RPL4: variants seen among roughly 807,000 people sequenced by gnomAD.
RPL4 encodes large ribosomal subunit protein uL4.
RPL4 carries 3 observed loss-of-function variants against 47.7 expected under a neutral mutation model. The observed-to-expected ratio is 0.06, with a 90% CI of 0.03 to 0.16. RPL4 has a LOEUF of 0.16. Among genes scored for constraint, RPL4 ranks in the 10% least tolerant of loss-of-function variants. The pLI, the probability that RPL4 is intolerant of heterozygous loss-of-function variation, is 1.00. For synonymous variants in RPL4, 208 were observed against 182.1 expected (o/e 1.14, Z -1.15); for missense variants, 413 against 551.3 (o/e 0.75, Z 2.51).
chr15:66,501,079 G>C lies in RPL4; in HGVS notation c.703C>G (p.Leu235Val), dbSNP rs760828454. The change falls in exon 7 of 10, where the codon CTG (leucine) becomes GTG (valine). Residue 235 changes from leucine (L) to valine (V), a missense_variant. This residue lies in a region of RPL4 where 214 missense variants were observed against 304.2 expected (regional missense o/e 0.70). Transcript: ENST00000307961. ...PGITLLNVSK[L>V]NILKLAPGGH... The stretch of plus-strand genomic sequence containing the variant: ...CCAGGAGCAAGCTTCAAAATGTTCA[G>C]CTTGCTTACATTAAGCAGAGTAATT... 6.2e-7 allele frequency: 1 copy of C among 1,614,022 alleles called. No individual in the cohort carries two copies.
Position 66,498,069 on chromosome 15 carries a change from C to T in RPL4, c.*1338G>A, listed in dbSNP as rs1431110792. On this transcript the variant is annotated 3_prime_UTR_variant, in exon 10 of 10. Coordinates refer to ENST00000307961, the MANE Select transcript of RPL4 (RefSeq NM_000968.4). ...GCCATTTGCGCACCAAGTGGTCAAA[C>T]ACCGTTTCAAATGACCGGGTGAACA... 6 of 313,618 alleles carry T rather than the reference C, an allele frequency of 1.9e-5. No homozygotes were observed. Among genetic ancestry groups the T allele is most frequent in the Non-Finnish European group, 3.6e-5 (6 of 166,588 alleles). 19.4% of individuals were successfully genotyped at this position (313,618 alleles called of 1,614,324 possible).
chr15:66,500,653 A>G, intron 7 of RPL4: 1 of 537,422 alleles, frequency 1.9e-6, no homozygotes, highest in Non-Finnish European at 3.3e-6. Context: ...GTGGTGGCAC[A>G]AGCCTGTAGT....
At chr15:66,502,829 C>T (rs769671356) in intron 3 of RPL4, 79 bp from the exon 4 acceptor site, 15 of 1,604,134 alleles carry the variant, frequency 9.4e-6, no homozygotes, top group Non-Finnish European at 6.8e-6. Flanking sequence ...TAAGAATTTT[C>T]GTCAACCTTC....
chr15:66,500,706 C>A, intron 7 of RPL4: 1 of 556,060 alleles, frequency 1.8e-6, no homozygotes. Context: ...TGCTTGAACC[C>A]GGGAGGCGGA....
chr15:66,500,233 T>A, intron 8 of RPL4, 57 bp from the exon 9 acceptor site: 1 of 1,613,512 alleles, frequency 6.2e-7, no homozygotes, highest in South Asian at 1.1e-5. Context: ...ACATACAAAT[T>A]TTTGAAACAA....
At chr15:66,504,764 C>T (rs1286283829) in intron 1 of RPL4, 24 bp downstream of exon 1, 1 of 1,611,646 alleles carries the variant, frequency 6.2e-7, no homozygotes, top group Admixed American at 1.7e-5. Flanking sequence ...CGGGGTAAGG[C>T]CAGCCAAGAG....
At position 66,499,645 on chromosome 15, in the gene RPL4, A is replaced by G. The variant is rs1893565513; in HGVS notation, c.1046T>C (p.Leu349Pro). Residue 349 changes from leucine to proline, a missense_variant, in exon 10 of 10, where the codon CTC (leucine) becomes CCC (proline). Physicochemically the swap from Leu to Pro is moderately conservative, Grantham distance 98. Transcript: ENST00000307961. ...TGCAGCAGCTGCCTTATCCACCCGG[A>G]GCTTGTGCTGCAACAAATTAGGCAG... ...TILRQARNHK[L>P]RVDKAAAAAA... is the part of the protein sequence containing the mutation. 2 of 1,613,656 alleles carry G rather than the reference A, an allele frequency of 1.2e-6. No individual in the cohort carries two copies. Among genetic ancestry groups the G allele is most frequent in the Non-Finnish European group, 1.7e-6 (2 of 1,179,828 alleles).
In RPL4 at chr15:66,501,417, T is replaced by G. The variant is rs1380650746; in HGVS notation, c.634A>C (p.Asn212His). Residue 212 changes from asparagine to histidine, a missense_variant, in exon 6 of 10, where the codon AAT becomes CAT. This residue lies in a region of RPL4 where 214 missense variants were observed against 304.2 expected (regional missense o/e 0.70). Transcript: ENST00000307961. ...IQRRGPCIIY[N>H]EDNGIIKAFR... is the part of the protein sequence containing the mutation. ...GCCTTGATGATACCATTATCCTCAT[T>G]ATAGATGATGCACGGGCCCCTGCGC... The G allele has an allele frequency of 1.2e-6, 2 of 1,614,024 alleles. No homozygotes were observed. Among genetic ancestry groups the G allele is most frequent in the Admixed American group, 1.7e-5 (1 of 60,002 alleles).
At chr15:66,502,906 T>A (rs377486905) in intron 3 of RPL4, 152 bp downstream of exon 3, 1 of 1,337,768 alleles carries the variant, frequency 7.5e-7, no homozygotes, top group Non-Finnish European at 1.1e-6. Flanking sequence ...TACGACATCA[T>A]TGCAAGCAAA....
intron 9 of RPL4, 123 bp from the exon 10 acceptor site, chr15:66,499,775 G>A (rs111385971): frequency 0.086 from 118,137 of 1,376,630 alleles, 5,215 homozygotes; most frequent in African/African-American, 0.11. Flanking sequence ...TGTAATCCCA[G>A]CACTTTGGGA....
chr15:66,501,293 C>G (rs1188851924), intron 6 of RPL4, 82 bp downstream of exon 6: 1 of 1,595,976 alleles, frequency 6.3e-7, no homozygotes, highest in Non-Finnish European at 8.6e-7. Flanking sequence ...GAAACACGGA[C>G]CTTAAGTGGA....
rs997549176 is a variant in RPL4 at position 66,504,846 on chromosome 15, G to C, written c.-56C>G. Reference sequence around the variant, plus strand: ...CAGCCCGGCTGCTGCCACAGGAAAAGGAAGTGCTTACCACTCCCGCTGTAT... The same window carrying C: ...CAGCCCGGCTGCTGCCACAGGAAAACGAAGTGCTTACCACTCCCGCTGTAT... On this transcript the variant is annotated 5_prime_UTR_variant, in exon 1 of 10. Transcript: ENST00000307961. 1.2e-6 allele frequency: 2 copies of C among 1,603,936 alleles called. No individual in the cohort carries two copies. Among genetic ancestry groups the C allele is most frequent in the African/African-American group, 1.3e-5 (1 of 74,818 alleles).
At position 66,501,704 on chromosome 15, in the gene RPL4, C is replaced by G. The variant is rs1893619001; in HGVS notation, c.546+84G>C. 15 of 1,565,314 alleles carry G rather than the reference C, an allele frequency of 9.6e-6. No homozygotes were observed. In the South Asian group the frequency reaches 1.8e-4, roughly 19 times the overall value. On this transcript the variant is annotated intron_variant, in intron 5 of 9. Coordinates refer to ENST00000307961, the MANE Select transcript of RPL4 (RefSeq NM_000968.4). The stretch of plus-strand genomic sequence containing the variant: ...TGTTCTCTCACACATTAAGGATTAG[C>G]TATACTGCCCTTATCTTCTGAAATT...
intron 2 of RPL4, 51 bp from the exon 3 acceptor site, chr15:66,503,215 C>T (rs746836562): frequency 6.3e-7 from 1 of 1,592,804 alleles, no homozygotes; most frequent in South Asian, 1.1e-5. Context: ...TACATACCAA[C>T]CCATGACTAT....
chr15:66,501,184 T>C (rs1363985722), intron 6 of RPL4, 79 bp from the exon 7 acceptor site: 3 of 1,584,676 alleles, frequency 1.9e-6, no homozygotes, highest in Non-Finnish European at 1.7e-6. Flanking sequence ...TTAAGAGCTA[T>C]AAAAGGTACC....
In RPL4 at chr15:66,504,822, A is replaced by C; in HGVS notation, c.-32T>G. The C allele has an allele frequency of 1.9e-6, 3 of 1,609,664 alleles. No homozygotes were observed. The South Asian group carries it at 3.3e-5, about 18-fold the overall frequency. On this transcript the variant is annotated 5_prime_UTR_variant, in exon 1 of 10. Coordinates refer to ENST00000307961, the MANE Select transcript of RPL4 (RefSeq NM_000968.4). ...GAGAGGAGACAGCCACGCTCCTCTC[A>C]GCCCGGCTGCTGCCACAGGAAAAGG... is the stretch of plus-strand genomic sequence containing the variant.
In RPL4 at chr15:66,500,188, C is replaced by G; in HGVS notation, c.918-12G>C. The G allele has an allele frequency of 1.2e-6, 2 of 1,613,806 alleles. No homozygotes were observed. The highest frequency in any genetic ancestry group is 1.7e-6 in the Non-Finnish European group (2 of 1,179,936). On this transcript the variant is annotated splice_polypyrimidine_tract_variant and intron_variant, in intron 8 of 9. Coordinates refer to ENST00000307961, the MANE Select transcript of RPL4 (RefSeq NM_000968.4). ...GATGGATCTTCTTGCTATAAAAAAG[C>G]AGATACTGTATCAACATTTTACTTA...
In RPL4 at chr15:66,499,251, A is replaced by C; in HGVS notation, c.*156T>G. ...CACACTATATAAAATGTAACAGTCT[A>C]AATTATGGCCAACAAAATGTCACTT... On this transcript the variant is annotated 3_prime_UTR_variant, in exon 10 of 10. Coordinates refer to ENST00000307961, the MANE Select transcript of RPL4 (RefSeq NM_000968.4). The C allele has an allele frequency of 1.1e-6, 1 of 885,832 alleles. No homozygotes were observed. The highest frequency in any genetic ancestry group is 1.7e-6 in the Non-Finnish European group (1 of 579,146). 54.9% of individuals were successfully genotyped at this position (885,832 alleles called of 1,614,324 possible).
chr15:66,502,922 CCCAT>C, intron 3 of RPL4, 132 bp downstream of exon 3: 1 of 1,285,714 alleles, frequency 7.8e-7, no homozygotes, highest in Non-Finnish European at 1.1e-6. Context: ...GCAAAATAAC[CCCAT>C]ATAAATGAAG....
Sources: allele counts gnomAD v4.1 joint callset, GRCh38; gene constraint gnomAD v4.1.1; regional missense constraint gnomAD v4.1.1; transcripts MANE v1.5; gene names NCBI Gene and HGNC (gene_info 2026-07-23, HGNC 2026-07-21).